NDRG4: variants seen among roughly 807,000 people sequenced by gnomAD.
NDRG4 encodes NDRG family member 4.
A neutral mutation model predicts 55.8 loss-of-function variants in NDRG4; 38 were observed. That is an observed-to-expected ratio of 0.68 (90% CI 0.53 to 0.89). The LOEUF (loss-of-function observed/expected upper bound fraction) is 0.89, where lower values mean the gene tolerates loss of function less well. NDRG4 is among the 40% of genes least tolerant of loss of function. The pLI, the probability that NDRG4 is intolerant of heterozygous loss-of-function variation, is 0.00. For missense variants in NDRG4, 455 were observed against 468.6 expected, an observed-to-expected ratio of 0.97 and a Z score of 0.27; for synonymous variants, 190 against 182.7, an observed-to-expected ratio of 1.04 and a Z score of -0.32.
rs142085550 is a variant in NDRG4, at chr16:58,513,168, A to ATATGTGTGTGTGTGTGTGTG, written c.*1593_*1594insATGTGTGTGTGTGTGTGTGT. On this transcript the variant is annotated 3_prime_UTR_variant, in exon 15 of 15. Coordinates refer to ENST00000570248, the MANE Select transcript of NDRG4 (RefSeq NM_001242835.2). ...GTATCTATAAATATCTATACATTAT[A>ATATGTGTGTGTGTGTGTGTG]TGTGTGTGTGTGTGTGTGTGTGTGT... 7.3e-5 allele frequency: 11 copies of ATATGTGTGTGTGTGTGTGTG among 150,136 alleles called. No individual in the cohort carries two copies. The highest frequency in any genetic ancestry group is 2.7e-4 in the African/African-American group (11 of 40,466). 9.3% of individuals were successfully genotyped at this position (150,136 alleles called of 1,614,324 possible). A position where few individuals can be genotyped will look rare whatever the true frequency, so the allele number is the denominator to read the frequency against.
At chr16:58,486,111 G>A (rs1356218855) in intron 1 of NDRG4, among the ~76,000 whole-genome samples, 1 of 152,130 alleles carries the variant, frequency 6.6e-6, no homozygotes, top group African/African-American at 2.4e-5. Context: ...GTGCACCTTC[G>A]CTAGCGGTGT....
intron 1 of NDRG4, among the ~76,000 whole-genome samples, chr16:58,480,400 C>T (rs563689576): frequency 1.1e-4 from 16 of 152,188 alleles, no homozygotes; most frequent in Non-Finnish European, 1.6e-4. Flanking sequence ...GGATTACAGG[C>T]GTGAGCCACC....
At chr16:58,503,960 G>A (rs1263249247) in intron 2 of NDRG4, 57 bp downstream of exon 2, 2 of 1,593,692 alleles carry the variant, frequency 1.3e-6, no homozygotes, top group Non-Finnish European at 1.7e-6. Flanking sequence ...CCAGAGCGGT[G>A]AGGCCCCCCA....
At chr16:58,475,674 T>C (rs1399790563) in intron 1 of NDRG4, 1 of 456,042 alleles carries the variant, frequency 2.2e-6, no homozygotes, top group Admixed American at 2.3e-5. Context: ...TGACTCTTTA[T>C]TTCTATATCA....
chr16:58,507,917 G>A, intron 9 of NDRG4, 31 bp from the exon 10 acceptor site: 4 of 1,613,508 alleles, frequency 2.5e-6, no homozygotes, highest in South Asian at 1.1e-5. Flanking sequence ...CCATGACCCA[G>A]CCAGACAGCC....
intron 5 of NDRG4, among the ~76,000 whole-genome samples, chr16:58,505,585 G>T (rs2037829628): frequency 6.6e-6 from 1 of 151,790 alleles, no homozygotes; most frequent in Non-Finnish European, 1.5e-5. Flanking sequence ...GCTTGATGTG[G>T]TTATGCTGTT....
rs528375397 is a variant in NDRG4 at position 58,471,186 on chromosome 16, C to CTTT, written c.-24+7413_-24+7415dup. 7.2e-4 allele frequency among the ~76,000 whole-genome samples: 48 copies of CTTT among 67,072 alleles called. 5 individuals are homozygous for CTTT. Among genetic ancestry groups the CTTT allele is most frequent in the African/African-American group, 2.2e-3 (39 of 17,668 alleles). 44.0% of individuals were successfully genotyped at this position (67,072 alleles called of 152,430 possible). On this transcript the variant is annotated intron_variant, in intron 1 of 15. Coordinates refer to the NDRG4 transcript ENST00000258187. ...ACTATAAGAGAATGAATGTGTGTTG[C>CTTT]TTTTTTTTTTTTTTTTTTTTTTTTT...
At chr16:58,505,478 A>C (rs1281531351) in intron 5 of NDRG4, among the ~76,000 whole-genome samples, 1 of 151,238 alleles carries the variant, frequency 6.6e-6, no homozygotes, top group Non-Finnish European at 1.5e-5. Flanking sequence ...GACATTTACT[A>C]CTTCAAAAGA....
At chr16:58,496,612 G>C (rs1373810483), upstream of NDRG4, among the ~76,000 whole-genome samples, 1 of 151,982 alleles carries the variant, frequency 6.6e-6, no homozygotes, top group East Asian at 1.9e-4. Context: ...TTCTGGCCCC[G>C]CCACTTCCAA....
At chr16:58,465,091 CG>C (rs202149077) in intron 1 of NDRG4, 42,051 of 1,285,438 alleles carry the variant, frequency 0.033, 821 homozygotes, top group Non-Finnish European at 0.038. Context: ...GGAGCAGGGA[CG>C]GGGGGGAGGA....
chr16:58,500,017 C>T (rs2036863339), upstream of NDRG4: 3 of 1,245,956 alleles, frequency 2.4e-6, no homozygotes, highest in East Asian at 5.4e-5. Context: ...GCTTGTCTCC[C>T]AGCAGCCAAT....
chr16:58,463,762 C>A (rs1440055768), exon 1 of NDRG4: 2 of 150,892 alleles, frequency 1.3e-5, no homozygotes, highest in Non-Finnish European at 3.0e-5. Context: ...AAGCCCCGCT[C>A]CCCGCCTGCG....
At chr16:58,501,822 C>T (rs2037164200) in intron 1 of NDRG4, 2 of 364,518 alleles carry the variant, frequency 5.5e-6, no homozygotes, top group Non-Finnish European at 1.1e-5. Flanking sequence ...GCCTCCTCAG[C>T]AGCAGAGAGC....
chr16:58,497,622 C>T (rs771995653), upstream of NDRG4, among the ~76,000 whole-genome samples: 18 of 152,282 alleles, frequency 1.2e-4, no homozygotes, highest in Non-Finnish European at 1.9e-4. Flanking sequence ...CATTTACATA[C>T]GGAGGCTCAG....
upstream of NDRG4, among the ~76,000 whole-genome samples, chr16:58,496,570 AGAGG>A (rs1861064055): frequency 6.6e-6 from 1 of 151,972 alleles, no homozygotes; most frequent in South Asian, 2.1e-4. Context: ...GTAGTATAGC[AGAGG>A]GACTAACATG....
At chr16:58,500,507 C>A in intron 1 of NDRG4, 1 of 403,138 alleles carries the variant, frequency 2.5e-6, no homozygotes, top group Admixed American at 4.5e-5. Flanking sequence ...CTGGGGGGAG[C>A]GTGTGGTTGG....
chr16:58,473,684 A>G (rs1034009327), intron 1 of NDRG4, among the ~76,000 whole-genome samples: 1 of 152,026 alleles, frequency 6.6e-6, no homozygotes, highest in Non-Finnish European at 1.5e-5. Context: ...TTACCTTCAG[A>G]ACATACCCAG....
rs144671222 is a variant in NDRG4, at chr16:58,484,829, A to G, written c.-23-2927A>G. 8.7e-3 allele frequency among the ~76,000 whole-genome samples: 1,304 copies of G among 149,626 alleles called. 14 individuals are homozygous for G. The highest frequency in any genetic ancestry group is 0.014 in the Admixed American group (203 of 14,966). Reference sequence around the variant, plus strand: ...ACCTTAGCCAGGCTTCATTAGTAGGACTCTCATTTTCTTATAACTTATCAC... The same window carrying G: ...ACCTTAGCCAGGCTTCATTAGTAGGGCTCTCATTTTCTTATAACTTATCAC... On this transcript the variant is annotated intron_variant, in intron 1 of 15. Transcript: ENST00000258187.
At chr16:58,499,962 G>A, upstream of NDRG4, 1 of 622,966 alleles carries the variant, frequency 1.6e-6, no homozygotes, top group South Asian at 1.9e-5. Flanking sequence ...GAGGAGCAGT[G>A]ACAGGGCTGG....
Sources: allele counts gnomAD v4.1 joint callset (sites outside exome capture counted in the v4.1 genomes callset), GRCh38; gene constraint gnomAD v4.1.1; transcripts MANE v1.5; gene names NCBI Gene and HGNC (gene_info 2026-07-23, HGNC 2026-07-21).